Variants in PSME4 observed in about 807,000 individuals in gnomAD.
The protein encoded by PSME4 is proteasome activator complex subunit 4.
PSME4 carries 89 observed loss-of-function variants against 253.9 expected under a neutral mutation model. That is an observed-to-expected ratio of 0.35 (90% CI 0.30 to 0.42). The LOEUF (loss-of-function observed/expected upper bound fraction) is 0.42, where lower values mean the gene tolerates loss of function less well. PSME4 is among the 10% of genes least tolerant of loss of function. The pLI, the probability that PSME4 is intolerant of heterozygous loss-of-function variation, is 1.00. For missense variants in PSME4, 2,014 were observed against 2,195.2 expected (o/e 0.92, Z 1.65); for synonymous variants, 851 against 759.2 (o/e 1.12, Z -1.99).
intron 1 of PSME4, among the ~76,000 whole-genome samples, chr2:53,964,550 T>C (rs1482655421): frequency 6.6e-6 from 1 of 152,242 alleles, no homozygotes; most frequent in Non-Finnish European, 1.5e-5. Context: ...TTCTCACTGA[T>C]GAGTTTGGTA....
In PSME4 at chr2:53,921,111, G is replaced by T; in HGVS notation, c.2047-7C>A. 1 of 1,611,004 alleles carries T rather than the reference G, an allele frequency of 6.2e-7. No individual in the cohort carries two copies. Among genetic ancestry groups the T allele is most frequent in the Non-Finnish European group, 8.5e-7 (1 of 1,179,276 alleles). On this transcript the variant is annotated splice_region_variant and splice_polypyrimidine_tract_variant and intron_variant, in intron 17 of 46. Transcript: ENST00000404125. ...TTCCATCCACTCGAGTAATCTAAAAGGAGGGAAAAAATAGTTGAAGATATT... is the reference window on the plus strand; with the variant it reads ...TTCCATCCACTCGAGTAATCTAAAATGAGGGAAAAAATAGTTGAAGATATT...
At position 53,906,648 on chromosome 2, in the gene PSME4, G is replaced by C; in HGVS notation, c.2893C>G (p.Gln965Glu). 1 of 1,604,216 alleles carries C rather than the reference G, an allele frequency of 6.2e-7. No individual in the cohort carries two copies. The change falls in exon 26 of 47, where the codon CAA (glutamine) becomes GAA (glutamate). Residue 965 changes from glutamine to glutamate, a missense_variant. Coordinates refer to ENST00000404125, the MANE Select transcript of PSME4 (RefSeq NM_014614.3). ...VEGCEYKKIH[Q>E]DMIRDLLRLS... ...CGAAGAAGATCTCTGATCATATCTT[G>C]ATGTATCTTTTTGTATTCACAACCC...
intron 1 of PSME4, among the ~76,000 whole-genome samples, chr2:53,963,040 T>A (rs1472062554): frequency 6.7e-6 from 1 of 149,038 alleles, no homozygotes; most frequent in Non-Finnish European, 1.5e-5. Flanking sequence ...ACATACCATA[T>A]GCAGTGGCTC....
At chr2:53,921,198 T>C (rs1668298608) in intron 17 of PSME4, 94 bp from the exon 18 acceptor site, 1 of 1,532,952 alleles carries the variant, frequency 6.5e-7, no homozygotes, top group Non-Finnish European at 8.7e-7. Flanking sequence ...ACTAACCTAG[T>C]GTTTCTCTAA....
intron 28 of PSME4, among the ~76,000 whole-genome samples, chr2:53,900,988 G>A (rs752953738): frequency 1.3e-5 from 2 of 152,056 alleles, no homozygotes; most frequent in East Asian, 3.8e-4. Flanking sequence ...TATAAATTAC[G>A]AACCCAGTAG....
chr2:53,910,048 G>A (rs1265574655), intron 21 of PSME4, 27 bp downstream of exon 21: 1 of 1,552,106 alleles, frequency 6.4e-7, no homozygotes, highest in Non-Finnish European at 8.9e-7. Context: ...AATCCACACA[G>A]ATTTACTCAG....
intron 1 of PSME4, among the ~76,000 whole-genome samples, chr2:53,969,501 T>C (rs1343890847): frequency 6.6e-6 from 1 of 152,134 alleles, no homozygotes; most frequent in Non-Finnish European, 1.5e-5. Context: ...ACTGAATGAG[T>C]GAGTTATGTC....
intron 41 of PSME4, among the ~76,000 whole-genome samples, chr2:53,879,485 G>A (rs1314106718): frequency 6.6e-6 from 1 of 152,142 alleles, no homozygotes; most frequent in Non-Finnish European, 1.5e-5. Flanking sequence ...TAAAAGCAGG[G>A]TAATATAATG....
intron 30 of PSME4, 60 bp from the exon 31 acceptor site, chr2:53,898,059 C>A: frequency 6.6e-7 from 1 of 1,506,772 alleles, no homozygotes; most frequent in Admixed American, 2.0e-5. Flanking sequence ...AAAAAAAAAA[C>A]TGTATGTGAA....
At chr2:53,874,606 A>G in intron 42 of PSME4, 112 bp from the exon 43 acceptor site, 3 of 1,102,294 alleles carry the variant, frequency 2.7e-6, no homozygotes, top group Non-Finnish European at 3.9e-6. Context: ...CTCTATTTAC[A>G]CAGGTATAGT....
At chr2:53,946,721 CCCTGTGT>C (rs1669726779) in intron 3 of PSME4, among the ~76,000 whole-genome samples, 4 of 152,164 alleles carry the variant, frequency 2.6e-5, no homozygotes, top group African/African-American at 9.6e-5. Flanking sequence ...CACAGTGAGA[CCCTGTGT>C]AGAGACCCTG....
rs768200801 is a variant in PSME4, at chr2:53,920,261, C to T, written c.2352G>A (p.Leu784=). 1 of 1,613,558 alleles carries T rather than the reference C, an allele frequency of 6.2e-7. No homozygotes were observed. The highest frequency in any genetic ancestry group is 8.5e-7 in the Non-Finnish European group (1 of 1,179,684). The part of the protein sequence containing the change: ...SEEVSFAFYL[L]DSFLQPELVK... The stretch of plus-strand genomic sequence containing the variant: ...CGAGCTCAGGCTGAAGAAAGGAGTC[C>T]AAAAGATAAAAGGCAAAAGACACTT... The change falls in exon 19 of 47, where the codon TTG becomes TTA. Residue 784 remains leucine, a synonymous_variant. Coordinates refer to ENST00000404125, the MANE Select transcript of PSME4 (RefSeq NM_014614.3).
At position 53,895,040 on chromosome 2, in the gene PSME4, A is replaced by G; in HGVS notation, c.3879T>C (p.Pro1293=). 6.2e-7 allele frequency: 1 copy of G among 1,613,090 alleles called. No homozygotes were observed. The highest frequency in any genetic ancestry group is 1.3e-5 in the African/African-American group (1 of 75,012). The stretch of plus-strand genomic sequence containing the variant: ...TATCCTCCCTGCTTCTGCCAAGCTT[A>G]GGCTGCTCTTCCACACCAGCATAAA... ...MVVYAGVEEQ[P]KLGRSREDMT... is the part of the protein sequence containing the mutation. The change falls in exon 34 of 47, where the codon CCT becomes CCC. Residue 1293 remains proline, a synonymous_variant. Transcript: ENST00000404125.
chr2:53,866,676 A>G (rs976675228), intron 45 of PSME4, 71 bp downstream of exon 45: 3 of 1,502,330 alleles, frequency 2.0e-6, no homozygotes, highest in Non-Finnish European at 2.7e-6. Flanking sequence ...AGTGTATAGG[A>G]AATTATTATT....
chr2:53,906,655 CT>C lies in PSME4; in HGVS notation c.2885del (p.Lys962ArgfsTer6). 2 of 1,604,496 alleles carry C rather than the reference CT, an allele frequency of 1.2e-6. No homozygotes were observed. Among genetic ancestry groups the C allele is most frequent in the South Asian group, 1.1e-5 (1 of 89,760 alleles). On this transcript the variant is annotated frameshift_variant, in exon 26 of 47. Coordinates refer to ENST00000404125, the MANE Select transcript of PSME4 (RefSeq NM_014614.3). LOFTEE classifies it high-confidence loss of function. ...GATCTCTGATCATATCTTGATGTAT[CT>C]TTTTGTATTCACAACCCTCAACAGT... ...TLTVEGCEYK[K>X]IHQDMIRDLL...
At position 53,892,147 on chromosome 2, in the gene PSME4, T is replaced by C. The variant is rs999189526; in HGVS notation, c.4191+661A>G. On this transcript the variant is annotated intron_variant, in intron 36 of 46. Transcript: ENST00000404125. The stretch of plus-strand genomic sequence containing the variant: ...TGTGACATTTTAAAATAAAATTGTT[T>C]CTTGTAGGCAAAAGTGTTTGCAGTC... Among the ~76,000 whole-genome samples, 4 of 152,332 alleles carry C rather than the reference T, an allele frequency of 2.6e-5. No homozygotes were observed. The South Asian group carries it at 8.3e-4, about 32-fold the overall frequency.
intron 1 of PSME4, among the ~76,000 whole-genome samples, chr2:53,958,176 A>C (rs1670319139): frequency 7.2e-6 from 1 of 139,588 alleles, no homozygotes; most frequent in African/African-American, 2.7e-5. Flanking sequence ...ACAGAGAAAG[A>C]CTCTGTCAAA....
chr2:53,921,009 G>A lies in PSME4; in HGVS notation c.2142C>T (p.Tyr714=). 1 of 1,614,066 alleles carries A rather than the reference G, an allele frequency of 6.2e-7. No homozygotes were observed. Among genetic ancestry groups the A allele is most frequent in the Non-Finnish European group, 8.5e-7 (1 of 1,179,954 alleles). Residue 714 remains tyrosine, a synonymous_variant, in exon 18 of 47, where the codon TAC becomes TAT. Transcript: ENST00000404125. ...RTLHLTCKQG[Y]TLSCNLLHHL... is the part of the protein sequence containing the mutation. ...GATGCAAAAGGTTACAAGACAGAGT[G>A]TAACCCTGCTTACAGGTTAAATGTA... is the stretch of plus-strand genomic sequence containing the variant.
chr2:53,964,068 A>C (rs1670608045), intron 1 of PSME4, among the ~76,000 whole-genome samples: 1 of 152,244 alleles, frequency 6.6e-6, no homozygotes, highest in African/African-American at 2.4e-5. Flanking sequence ...TTCAAATCAG[A>C]AACACACATA....
Sources: gnomAD v4.1 joint callset for allele counts (sites outside exome capture counted in the v4.1 genomes callset) on GRCh38, gnomAD v4.1.1 for gene constraint, MANE v1.5 for transcripts, NCBI Gene and HGNC (gene_info 2026-07-23, HGNC 2026-07-21) for gene names.